Variants in NIBAN2 observed in about 807,000 individuals in gnomAD.
The protein encoded by NIBAN2 is niban apoptosis regulator 2, also known as protein Niban 2.
A neutral mutation model predicts 81.8 loss-of-function variants in NIBAN2; 36 were observed. That is an observed-to-expected ratio of 0.44 (90% CI 0.34 to 0.58). The LOEUF (loss-of-function observed/expected upper bound fraction) is 0.58. Among genes scored for constraint, NIBAN2 ranks in the 20% least tolerant of loss-of-function variants. The pLI is 0.02. For missense variants in NIBAN2, 897 were observed against 1,014.1 expected, an observed-to-expected ratio of 0.88 and a Z score of 1.57; for synonymous variants, 445 against 441.6, an observed-to-expected ratio of 1.01 and a Z score of -0.10.
rs10682812 is a variant in NIBAN2, at chr9:127,565,946, TCACA to T, written c.55+2870_55+2873del. ...GAGACCCTGTCTCTCTCTCTCTCTCTCACACACACACACACACACACACACACAC... is the reference window on the plus strand; with the variant it reads ...GAGACCCTGTCTCTCTCTCTCTCTCTCACACACACACACACACACACACAC... On this transcript the variant is annotated intron_variant, in intron 1 of 13. Coordinates refer to ENST00000373312, the MANE Select transcript of NIBAN2 (RefSeq NM_022833.4). Among the ~76,000 whole-genome samples the T allele has an allele frequency of 6.4e-4, 83 of 130,594 alleles. 1 individual carries two copies. The highest frequency in any genetic ancestry group is 1.1e-3 in the East Asian group (5 of 4,712). 85.7% of individuals were successfully genotyped at this position (130,594 alleles called of 152,430 possible). A position where few individuals can be genotyped will look rare whatever the true frequency, so the allele number is the denominator to read the frequency against.
chr9:127,573,048 A>G, upstream of NIBAN2, among the ~76,000 whole-genome samples: 1 of 152,130 alleles, frequency 6.6e-6, no homozygotes, highest in African/African-American at 2.4e-5. Flanking sequence ...TTCCCTCTTT[A>G]TAGATATATG....
intron 1 of NIBAN2, among the ~76,000 whole-genome samples, chr9:127,567,049 A>G (rs1837870948): frequency 1.3e-5 from 2 of 152,200 alleles, no homozygotes; most frequent in African/African-American, 4.8e-5. Flanking sequence ...CCTGGTATCC[A>G]GAAAATAAAT....
In NIBAN2 at chr9:127,510,257, C is replaced by G; in HGVS notation, c.1050G>C (p.Leu350=). The G allele has an allele frequency of 6.2e-7, 1 of 1,614,098 alleles. No homozygotes were observed. The highest frequency in any genetic ancestry group is 1.1e-5 in the South Asian group (1 of 91,074). Residue 350 remains leucine, a synonymous_variant, in exon 9 of 14, where the codon CTG becomes CTC. Coordinates refer to ENST00000373312, the MANE Select transcript of NIBAN2 (RefSeq NM_022833.4). ...TGAAGCCCTGGCTGGTGGGGACCAT[C>G]AGGGCCTCCAGGATGGATGGGATGT... ...QPYIPSILEA[L]MVPTSQGFTE...
chr9:127,574,568 G>A (rs1837985910), intron 1 of NIBAN2, among the ~76,000 whole-genome samples: 1 of 152,056 alleles, frequency 6.6e-6, no homozygotes, highest in Non-Finnish European at 1.5e-5. Context: ...AAGAAGGAGA[G>A]GCCCTTTCTC....
chr9:127,524,981 G>A (rs1837032849), intron 4 of NIBAN2, 77 bp downstream of exon 4: 3 of 1,122,308 alleles, frequency 2.7e-6, no homozygotes, highest in Non-Finnish European at 4.0e-6. Context: ...AAAGCAATGG[G>A]CTCAGGGCCA....
At position 127,563,516 on chromosome 9, in the gene NIBAN2, T is replaced by C. The variant is rs978256128; in HGVS notation, c.55+5304A>G. Among the ~76,000 whole-genome samples, 1 of 149,160 alleles carries C rather than the reference T, an allele frequency of 6.7e-6. No homozygotes were observed. The highest frequency in any genetic ancestry group is 1.5e-5 in the Non-Finnish European group (1 of 67,402). ...GCATCTACAGCCACTTCCCAAATGT[T>C]GAGAGGTAGATTTTTTTTTTTTTTG... is the stretch of plus-strand genomic sequence containing the variant. On this transcript the variant is annotated intron_variant, in intron 1 of 13. Coordinates refer to ENST00000373312, the MANE Select transcript of NIBAN2 (RefSeq NM_022833.4). The surrounding 1 kb of genome is among the most constrained non-coding windows in gnomAD (Gnocchi z 4.1).
chr9:127,508,237 G>C lies in NIBAN2; in HGVS notation c.1435-37C>G, dbSNP rs1445756501. The C allele has an allele frequency of 6.5e-7, 1 of 1,543,766 alleles. No individual in the cohort carries two copies. Among genetic ancestry groups the C allele is most frequent in the South Asian group, 1.1e-5 (1 of 89,282 alleles). On this transcript the variant is annotated intron_variant, in intron 11 of 13. Coordinates refer to ENST00000373312, the MANE Select transcript of NIBAN2 (RefSeq NM_022833.4). This position sits in a 1 kb window ranked among gnomAD's most constrained non-coding sequence, Gnocchi z 6.4. ...AAGGGGGTCGGGGGTCTGCAGGTCA[G>C]TGGGCTCCATTGGCCCTGAGGGTAG...
chr9:127,527,423 T>C (rs1837095925), intron 2 of NIBAN2, 101 bp from the exon 3 acceptor site: 3 of 1,146,144 alleles, frequency 2.6e-6, no homozygotes, highest in South Asian at 1.3e-5. Context: ...GCGCACCCCC[T>C]GCCTAGCATG....
At chr9:127,519,869 C>T (rs923849215) in intron 5 of NIBAN2, among the ~76,000 whole-genome samples, 2 of 152,188 alleles carry the variant, frequency 1.3e-5, no homozygotes, top group Non-Finnish European at 2.9e-5. Flanking sequence ...TTCCTAGAAA[C>T]CAAGTTTTGA....
rs893356245 is a variant in NIBAN2 at position 127,506,615 on chromosome 9, A to C, written c.*230T>G. The stretch of plus-strand genomic sequence containing the variant: ...TTGGCACAAGCAGGAAAACCCCAAA[A>C]CCAGCCCCTGCATCTGAGATCATCC... On this transcript the variant is annotated 3_prime_UTR_variant, in exon 14 of 14. Transcript: ENST00000373312. 9.3e-6 allele frequency: 4 copies of C among 428,832 alleles called. No homozygotes were observed. The highest frequency in any genetic ancestry group is 1.6e-5 in the Non-Finnish European group (4 of 243,820). The allele number at this position is 428,832 out of a possible 1,614,324, so 26.6% of individuals were successfully genotyped here. A position where few individuals can be genotyped will look rare whatever the true frequency, so the allele number is the denominator to read the frequency against.
intron 1 of NIBAN2, among the ~76,000 whole-genome samples, chr9:127,566,942 G>T (rs971934882): frequency 1.3e-5 from 2 of 151,168 alleles, no homozygotes; most frequent in African/African-American, 4.9e-5. Flanking sequence ...TCTGGACCAG[G>T]AATTCGAGGC....
intron 1 of NIBAN2, among the ~76,000 whole-genome samples, chr9:127,556,502 G>A (rs879642826): frequency 6.6e-6 from 1 of 151,994 alleles, no homozygotes; most frequent in East Asian, 1.9e-4. Flanking sequence ...TCCTGCTAGG[G>A]AACTAAAACA....
rs902259035 is a variant in NIBAN2 at position 127,563,216 on chromosome 9, C to T, written c.55+5604G>A. Among the ~76,000 whole-genome samples the T allele has an allele frequency of 1.1e-4, 17 of 152,166 alleles. No individual in the cohort carries two copies. Among genetic ancestry groups the T allele is most frequent in the African/African-American group, 3.9e-4 (16 of 41,448 alleles). ...TCAGGCCCCAGCAGTGGAAAAGGAACAGAGTCAGGGGGACTAGAGGAGGCT... is the reference window on the plus strand; with the variant it reads ...TCAGGCCCCAGCAGTGGAAAAGGAATAGAGTCAGGGGGACTAGAGGAGGCT... On this transcript the variant is annotated intron_variant, in intron 1 of 13. Transcript: ENST00000373312. The surrounding 1 kb of genome is among the most constrained non-coding windows in gnomAD (Gnocchi z 4.1).
chr9:127,561,047 T>A, intron 1 of NIBAN2: 9 of 877,214 alleles, frequency 1.0e-5, no homozygotes, highest in Non-Finnish European at 1.2e-5. Context: ...GACACATGGG[T>A]GGGCAAGGAG....
At chr9:127,568,798 C>T in intron 1 of NIBAN2, 22 bp downstream of exon 1, 5 of 1,298,090 alleles carry the variant, frequency 3.9e-6, no homozygotes, top group South Asian at 2.1e-5. Context: ...CCTGGGCGCG[C>T]GTGGCGCGGC....
intron 1 of NIBAN2, among the ~76,000 whole-genome samples, chr9:127,535,832 G>A (rs1207956595): frequency 1.3e-5 from 2 of 151,872 alleles, no homozygotes; most frequent in Non-Finnish European, 2.9e-5. Flanking sequence ...AGCAGATGTC[G>A]GCAAGGGGAG....
At chr9:127,542,886 C>A (rs1055436520) in intron 1 of NIBAN2, among the ~76,000 whole-genome samples, 2 of 152,202 alleles carry the variant, frequency 1.3e-5, no homozygotes, top group Admixed American at 6.5e-5. Context: ...TCACACCTGG[C>A]TAATTTTTTG....
At chr9:127,547,042 A>C (rs925924746) in intron 1 of NIBAN2, among the ~76,000 whole-genome samples, 1 of 151,762 alleles carries the variant, frequency 6.6e-6, no homozygotes, top group African/African-American at 2.4e-5. Context: ...GACAGGCATG[A>C]AAGAGTTAAT....
intron 1 of NIBAN2, among the ~76,000 whole-genome samples, chr9:127,547,803 C>CTCCA (rs1837500826): frequency 6.6e-6 from 1 of 152,144 alleles, no homozygotes; most frequent in Non-Finnish European, 1.5e-5. Context: ...CACCATTGCA[C>CTCCA]TCCAGCCTGG....
Sources: allele counts gnomAD v4.1 joint callset (sites outside exome capture counted in the v4.1 genomes callset), GRCh38; gene constraint gnomAD v4.1.1; non-coding constraint Gnocchi (gnomAD v3.1); transcripts MANE v1.5; gene names NCBI Gene and HGNC (gene_info 2026-07-23, HGNC 2026-07-21).